The following WWOX variants were observed in gnomAD, a reference collection of about 807,000 sequenced individuals.
WWOX encodes WW domain-containing oxidoreductase.
A neutral mutation model predicts 46.2 loss-of-function variants in WWOX; 69 were observed. The ratio of observed to expected loss-of-function variants is 1.49; its 90% CI spans 1.23 to 1.82. The LOEUF is 1.82. WWOX is among the 40% of genes most tolerant of loss of function. The pLI, the probability that WWOX is intolerant of heterozygous loss-of-function variation, is 0.00. For synonymous variants in WWOX, 359 were observed against 202.6 expected (o/e 1.77, Z -6.56); for missense variants, 919 against 542.6 (o/e 1.69, Z -6.89).
chr16:78,206,913 C>T (rs947829661), intron 5 of WWOX, among the ~76,000 whole-genome samples: 2 of 152,142 alleles, frequency 1.3e-5, no homozygotes, highest in African/African-American at 2.4e-5. Flanking sequence ...GCTAATGATA[C>T]CTCTCCCTTA....
intron 5 of WWOX, among the ~76,000 whole-genome samples, chr16:78,259,073 A>G (rs973887491): frequency 8.5e-5 from 13 of 152,238 alleles, no homozygotes; most frequent in Non-Finnish European, 1.3e-4. Context: ...AAGAAGCACC[A>G]TTTTGAATTA....
intron 5 of WWOX, among the ~76,000 whole-genome samples, chr16:78,341,062 C>G (rs1156654696): frequency 8.4e-6 from 1 of 119,700 alleles, no homozygotes; most frequent in Non-Finnish European, 2.0e-5. Flanking sequence ...TGCTGGCTCT[C>G]TGATAGGAAT....
At chr16:78,849,259 G>T (rs1204505360) in intron 8 of WWOX, among the ~76,000 whole-genome samples, 1 of 152,124 alleles carries the variant, frequency 6.6e-6, no homozygotes, top group East Asian at 1.9e-4. Flanking sequence ...AAATTGCGAA[G>T]TCACGAAGTT....
chr16:78,737,386 C>G (rs964633349), intron 8 of WWOX, among the ~76,000 whole-genome samples: 2 of 152,022 alleles, frequency 1.3e-5, no homozygotes, highest in African/African-American at 4.8e-5. Flanking sequence ...ATCCGCCTGC[C>G]TCAGCCTCCC....
intron 5 of WWOX, among the ~76,000 whole-genome samples, chr16:78,374,319 G>A (rs568711061): frequency 1.6e-4 from 25 of 152,126 alleles, no homozygotes; most frequent in South Asian, 2.1e-4. Flanking sequence ...AACAAAGCCA[G>A]ACCATGCATG....
At chr16:78,514,004 C>T (rs1040467546) in intron 8 of WWOX, among the ~76,000 whole-genome samples, 5 of 149,038 alleles carry the variant, frequency 3.4e-5, no homozygotes, top group East Asian at 4.0e-4. Flanking sequence ...CACAGTGTTG[C>T]GAAAGAATAG....
At chr16:78,226,291 C>G (rs1434139245) in intron 5 of WWOX, among the ~76,000 whole-genome samples, 1 of 152,092 alleles carries the variant, frequency 6.6e-6, no homozygotes, top group Admixed American at 6.5e-5. Flanking sequence ...GAAAAGGGTA[C>G]CTAACATTTT....
chr16:78,989,661 C>T (rs1441959404), intron 8 of WWOX, among the ~76,000 whole-genome samples: 1 of 152,086 alleles, frequency 6.6e-6, no homozygotes, highest in Non-Finnish European at 1.5e-5. Context: ...GGACCCTTTG[C>T]AAGAAGGGTG....
chr16:78,785,147 A>G (rs2050423739), intron 8 of WWOX, among the ~76,000 whole-genome samples: 2 of 152,232 alleles, frequency 1.3e-5, no homozygotes, highest in African/African-American at 2.4e-5. Flanking sequence ...ACTAAAAACA[A>G]TAACCAAGTG....
intron 8 of WWOX, among the ~76,000 whole-genome samples, chr16:78,751,954 C>T (rs554460698): frequency 3.3e-5 from 5 of 152,212 alleles, no homozygotes; most frequent in South Asian, 4.2e-4. Flanking sequence ...GGTGCCTCCA[C>T]GTGGAAGTGG....
chr16:78,491,178 A>C (rs1320509612), intron 8 of WWOX, among the ~76,000 whole-genome samples: 1 of 152,110 alleles, frequency 6.6e-6, no homozygotes, highest in African/African-American at 2.4e-5. Context: ...TCTTGGCCTC[A>C]TATCTTCCAC....
rs1457360284 is a variant in WWOX, at chr16:78,257,164, T to C, written c.516+92875T>C. 2.0e-5 allele frequency among the ~76,000 whole-genome samples: 3 copies of C among 152,084 alleles called. No homozygotes were observed. The East Asian group carries it at 5.8e-4, about 29-fold the overall frequency. On this transcript the variant is annotated intron_variant, in intron 5 of 8. Coordinates refer to ENST00000566780, the MANE Select transcript of WWOX (RefSeq NM_016373.4). ...TAAAGAAGGATTTTTGTGATTCTTC[T>C]AGGCTGACACATTGCCTGTCATCTG... is the stretch of plus-strand genomic sequence containing the variant.
intron 5 of WWOX, among the ~76,000 whole-genome samples, chr16:78,384,093 C>A (rs1029965293): frequency 1.3e-5 from 2 of 152,132 alleles, no homozygotes; most frequent in African/African-American, 4.8e-5. Flanking sequence ...TGGGAATGTT[C>A]TTCCTGTTTT....
At chr16:78,963,993 A>T (rs2046320353) in intron 8 of WWOX, among the ~76,000 whole-genome samples, 1 of 152,148 alleles carries the variant, frequency 6.6e-6, no homozygotes, top group South Asian at 2.1e-4. Context: ...ACCATGTAAG[A>T]AGTGCCTTTC....
At chr16:78,482,356 GGA>G (rs2084516310) in intron 8 of WWOX, among the ~76,000 whole-genome samples, 1 of 152,038 alleles carries the variant, frequency 6.6e-6, no homozygotes, top group Non-Finnish European at 1.5e-5. Flanking sequence ...GTAGTAGTCA[GGA>G]CTACAGGCAT....
chr16:79,014,754 G>T (rs1459843727), intron 8 of WWOX, among the ~76,000 whole-genome samples: 1 of 152,156 alleles, frequency 6.6e-6, no homozygotes, highest in East Asian at 1.9e-4. Flanking sequence ...ACTAGTAAGT[G>T]GATTCGAGTT....
intron 5 of WWOX, among the ~76,000 whole-genome samples, chr16:78,286,390 T>C (rs1026249064): frequency 4.6e-5 from 7 of 152,238 alleles, no homozygotes; most frequent in African/African-American, 1.7e-4. Context: ...CCCCCCCTTT[T>C]ACTTTCTAGT....
chr16:79,000,335 C>G (rs527446373), intron 8 of WWOX, among the ~76,000 whole-genome samples: 1 of 152,168 alleles, frequency 6.6e-6, no homozygotes, highest in Non-Finnish European at 1.5e-5. Context: ...TCCATGGAAC[C>G]TATAAATATG....
chr16:78,126,217 T>G (rs2033355108), intron 4 of WWOX, among the ~76,000 whole-genome samples: 1 of 152,184 alleles, frequency 6.6e-6, no homozygotes, highest in South Asian at 2.1e-4. Context: ...CATTTTGTAA[T>G]TAAATGTTTG....
Sources: allele counts gnomAD v4.1 joint callset (sites outside exome capture counted in the v4.1 genomes callset), GRCh38; gene constraint gnomAD v4.1.1; transcripts MANE v1.5; gene names NCBI Gene and HGNC (gene_info 2026-07-23, HGNC 2026-07-21).